AKR1C3: variants seen among roughly 807,000 people sequenced by gnomAD.
The protein encoded by AKR1C3 is 3-alpha hydroxysteroid dehydrogenase, type II.
In AKR1C3, 48 loss-of-function variants were observed where a neutral mutation model predicts 43.6. The ratio of observed to expected loss-of-function variants is 1.10; its 90% CI spans 0.87 to 1.40. The LOEUF (loss-of-function observed/expected upper bound fraction) is 1.40. Ranked by LOEUF, AKR1C3 falls within the 40% of genes most tolerant of loss-of-function variation. AKR1C3 has a pLI of 0.00. For synonymous variants in AKR1C3, 162 were observed against 139.6 expected, an observed-to-expected ratio of 1.16 and a Z score of -1.13; for missense variants, 482 against 391.2, an observed-to-expected ratio of 1.23 and a Z score of -1.96.
rs150494764 is a variant in AKR1C3 at position 5,066,891 on chromosome 10, A to G, written c.84+17996A>G. 2.2e-3 allele frequency among the ~76,000 whole-genome samples: 333 copies of G among 152,272 alleles called. 2 individuals are homozygous for G. Among genetic ancestry groups the G allele is most frequent in the African/African-American group, 7.8e-3 (323 of 41,578 alleles). On this transcript the variant is annotated intron_variant, in intron 1 of 8. Coordinates refer to the AKR1C3 transcript ENST00000439082. ...TACAGTAAAATTTGCTATAGAGCAT[A>G]TAATGGGGGTACATTTCTATTCATT...
intron 1 of AKR1C3, 103 bp from the exon 2 acceptor site, chr10:5,096,307 A>T: frequency 7.1e-7 from 1 of 1,399,210 alleles, no homozygotes; most frequent in South Asian, 1.4e-5. Context: ...CCCCACATAC[A>T]GACAGGAGGA....
chr10:5,074,555 T>A (rs782086804), intron 1 of AKR1C3, among the ~76,000 whole-genome samples: 1 of 152,156 alleles, frequency 6.6e-6, no homozygotes, highest in Non-Finnish European at 1.5e-5. Flanking sequence ...ACATTTTCCA[T>A]CTCTTCTCTT....
chr10:5,060,843 C>G (rs1350260353), intron 1 of AKR1C3, among the ~76,000 whole-genome samples: 1 of 152,228 alleles, frequency 6.6e-6, no homozygotes, highest in Non-Finnish European at 1.5e-5. Context: ...GGGGAGACAG[C>G]TAAGGCCCGG....
At chr10:5,106,806 G>C (rs1839511945) in intron 8 of AKR1C3, among the ~76,000 whole-genome samples, 1 of 151,386 alleles carries the variant, frequency 6.6e-6, no homozygotes, top group Non-Finnish European at 1.5e-5. Flanking sequence ...ATTTTAACAA[G>C]TGATAGGGTG....
rs200340146 is a variant in AKR1C3, at chr10:5,102,660, G to A, written c.846+10G>A. On this transcript the variant is annotated intron_variant, in intron 7 of 8. Coordinates refer to ENST00000380554, the MANE Select transcript of AKR1C3 (RefSeq NM_003739.6). ...CAGACAGAACGTGCAGGTGAGGAGC[G>A]GGGCTGTGGGCCTCAGGTCTCCTGC... The A allele has an allele frequency of 2.7e-5, 39 of 1,453,362 alleles. No homozygotes were observed. In the East Asian group the frequency reaches 4.2e-4, roughly 16 times the overall value. The allele number at this position is 1,453,362 out of a possible 1,614,324, so 90.0% of individuals were successfully genotyped here. A position where few individuals can be genotyped will look rare whatever the true frequency, so the allele number is the denominator to read the frequency against.
rs74228887 is a variant in AKR1C3 at position 5,070,127 on chromosome 10, T to C, written c.84+21232T>C. ...GGACACCCTTAGTTTTCACTGGCCA[T>C]AGCCAGAATTCTGCAGTTTTCTCTG... On this transcript the variant is annotated intron_variant, in intron 1 of 8. Transcript: ENST00000439082. 1.7e-3 allele frequency among the ~76,000 whole-genome samples: 257 copies of C among 152,342 alleles called. 6 individuals are homozygous for C. In the East Asian group the frequency reaches 0.041, roughly 24 times the overall value.
intron 3 of AKR1C3, 124 bp from the exon 4 acceptor site, chr10:5,098,678 C>A (rs1700297253): frequency 2.7e-6 from 2 of 743,780 alleles, no homozygotes; most frequent in African/African-American, 1.8e-5. Flanking sequence ...TAGCACATAT[C>A]ACTTTCTGGA....
At chr10:5,102,389 G>T (rs2131847619) in intron 6 of AKR1C3, 96 bp from the exon 7 acceptor site, 41 of 1,570,388 alleles carry the variant, frequency 2.6e-5, no homozygotes, top group South Asian at 1.6e-4. Context: ...CGCTTGAGAA[G>T]CTCCGGTGCA....
At chr10:5,076,513 A>T (rs994107870) in intron 1 of AKR1C3, among the ~76,000 whole-genome samples, 9 of 152,210 alleles carry the variant, frequency 5.9e-5, no homozygotes, top group African/African-American at 1.9e-4. Flanking sequence ...GGACTAAGAC[A>T]CTACTTTATA....
chr10:5,053,391 C>CT (rs1838193794), intron 1 of AKR1C3, among the ~76,000 whole-genome samples: 1 of 152,242 alleles, frequency 6.6e-6, no homozygotes, highest in Non-Finnish European at 1.5e-5. Flanking sequence ...GCCAGCCGCT[C>CT]TGAGTGCAGG....
At chr10:5,078,273 T>C (rs561042814) in intron 1 of AKR1C3, among the ~76,000 whole-genome samples, 1 of 152,246 alleles carries the variant, frequency 6.6e-6, no homozygotes, top group African/African-American at 2.4e-5. Flanking sequence ...TGAAACCTCG[T>C]CTCTACTGAA....
intron 1 of AKR1C3, among the ~76,000 whole-genome samples, chr10:5,069,212 T>G (rs1412441911): frequency 1.3e-5 from 2 of 152,196 alleles, no homozygotes; most frequent in Admixed American, 1.3e-4. Context: ...GAAATATTCT[T>G]TTGCAAGCAT....
At chr10:5,105,437 A>G (rs782415545) in intron 7 of AKR1C3, 158 bp from the exon 8 acceptor site, 5 of 537,914 alleles carry the variant, frequency 9.3e-6, no homozygotes, top group Non-Finnish European at 1.3e-5. Context: ...ATTTTTCGTG[A>G]GCTATTCATT....
chr10:5,075,397 A>G (rs1163022002), intron 1 of AKR1C3, among the ~76,000 whole-genome samples: 4 of 152,126 alleles, frequency 2.6e-5, no homozygotes, highest in African/African-American at 9.7e-5. Context: ...GACCCAAATT[A>G]AGTGGCCCTA....
chr10:5,075,022 T>C lies in AKR1C3; in HGVS notation c.85-21388T>C, dbSNP rs183575245. The stretch of plus-strand genomic sequence containing the variant: ...TCAAAATCAGAGAAAGGCATAGACC[T>C]GTCTCCTGGGTGCATCCTCAACTTT... On this transcript the variant is annotated intron_variant, in intron 1 of 8. Coordinates refer to the AKR1C3 transcript ENST00000439082. Among the ~76,000 whole-genome samples, 162 of 152,270 alleles carry C rather than the reference T, an allele frequency of 1.1e-3. 1 individual carries two copies. Among genetic ancestry groups the C allele is most frequent in the Non-Finnish European group, 1.0e-4 (7 of 68,020 alleles).
chr10:5,059,352 CA>C (rs1838330508), intron 1 of AKR1C3, among the ~76,000 whole-genome samples: 1 of 152,152 alleles, frequency 6.6e-6, no homozygotes, highest in African/African-American at 2.4e-5. Flanking sequence ...CTTTAGGACC[CA>C]GGGGGCAAGG....
upstream of AKR1C3, among the ~76,000 whole-genome samples, chr10:5,091,324 A>G (rs781807305): frequency 1.1e-4 from 16 of 152,092 alleles, no homozygotes; most frequent in Admixed American, 3.3e-4. Flanking sequence ...AAACACCACA[A>G]ATTAATTTTC....
At chr10:5,064,843 G>A (rs1838462731) in intron 1 of AKR1C3, among the ~76,000 whole-genome samples, 1 of 149,554 alleles carries the variant, frequency 6.7e-6, no homozygotes, top group Admixed American at 6.7e-5. Context: ...TCTCATACCA[G>A]TCAGAATGCC....
At chr10:5,062,229 C>A (rs1227855586) in intron 1 of AKR1C3, among the ~76,000 whole-genome samples, 1 of 152,206 alleles carries the variant, frequency 6.6e-6, no homozygotes, top group Non-Finnish European at 1.5e-5. Flanking sequence ...GCCACCTTAA[C>A]CCCATCAAAG....
Sources: gnomAD v4.1 joint callset for allele counts (sites outside exome capture counted in the v4.1 genomes callset) on GRCh38, gnomAD v4.1.1 for gene constraint, MANE v1.5 for transcripts, NCBI Gene and HGNC (gene_info 2026-07-23, HGNC 2026-07-21) for gene names.